CDH9: variants seen among roughly 807,000 people sequenced by gnomAD.
CDH9 encodes cadherin-9.
A neutral mutation model predicts 70.9 loss-of-function variants in CDH9; 28 were observed. The observed-to-expected ratio is 0.40, with a 90% CI of 0.29 to 0.54. The LOEUF is 0.54. Among genes scored for constraint, CDH9 ranks in the 20% least tolerant of loss-of-function variants. The pLI is 0.59. For missense variants in CDH9, 874 were observed against 984.4 expected, an observed-to-expected ratio of 0.89 and a Z score of 1.50; for synonymous variants, 409 against 343.1, an observed-to-expected ratio of 1.19 and a Z score of -2.12.
chr5:26,981,912 T>C (rs1742406237), intron 2 of CDH9, among the ~76,000 whole-genome samples: 2 of 152,072 alleles, frequency 1.3e-5, no homozygotes, highest in South Asian at 4.1e-4. Flanking sequence ...TCCTGGTTTT[T>C]AACAGGGAGC....
At chr5:26,882,532 G>A (rs1740484391) in intron 11 of CDH9, among the ~76,000 whole-genome samples, 1 of 151,792 alleles carries the variant, frequency 6.6e-6, no homozygotes, top group African/African-American at 2.4e-5. Context: ...ATAAATGCAT[G>A]TTGCAATTAA....
intron 1 of CDH9, among the ~76,000 whole-genome samples, chr5:27,008,470 A>G (rs1470830461): frequency 6.9e-6 from 1 of 145,598 alleles, no homozygotes; most frequent in African/African-American, 2.6e-5. Context: ...AGCCTGGGCA[A>G]CGGAGTGAGA....
chr5:26,984,399 A>G (rs183153028), intron 2 of CDH9, among the ~76,000 whole-genome samples: 1 of 152,252 alleles, frequency 6.6e-6, no homozygotes, highest in Admixed American at 6.5e-5. Flanking sequence ...ATTCCTTGTG[A>G]AAAATAAATA....
At chr5:26,991,687 G>A (rs935584921) in intron 1 of CDH9, among the ~76,000 whole-genome samples, 5 of 152,108 alleles carry the variant, frequency 3.3e-5, no homozygotes, top group African/African-American at 1.2e-4. Context: ...ATTTACAAGA[G>A]TAGATAATAT....
intron 2 of CDH9, among the ~76,000 whole-genome samples, chr5:26,976,331 C>T (rs1395152754): frequency 6.6e-6 from 1 of 152,120 alleles, no homozygotes; most frequent in Non-Finnish European, 1.5e-5. Flanking sequence ...CAGAAGTTGG[C>T]AGAATTTGAG....
At chr5:26,925,638 A>G (rs149101662) in intron 2 of CDH9, among the ~76,000 whole-genome samples, 14,681 of 151,978 alleles carry the variant, frequency 0.097, 890 homozygotes, top group East Asian at 0.19. Context: ...CCTATGTCCT[A>G]AATGGTATTG....
Position 26,948,081 on chromosome 5 carries a change from TA to T in CDH9, c.229-32158del, listed in dbSNP as rs551972218. On this transcript the variant is annotated intron_variant, in intron 2 of 11. Transcript: ENST00000231021. ...AAGTGCTTGGATATTCACAGACTTT[TA>T]GGCTATAGCCTTGCTCTGTGGTCAG... is the stretch of plus-strand genomic sequence containing the variant. Among the ~76,000 whole-genome samples the T allele has an allele frequency of 4.2e-3, 640 of 152,278 alleles. 9 individuals are homozygous for T. Among genetic ancestry groups the T allele is most frequent in the Non-Finnish European group, 3.4e-3 (234 of 68,024 alleles).
intron 2 of CDH9, among the ~76,000 whole-genome samples, chr5:26,960,988 G>C (rs1218501779): frequency 6.6e-6 from 1 of 152,004 alleles, no homozygotes; most frequent in Non-Finnish European, 1.5e-5. Flanking sequence ...GCTTTGGTAA[G>C]ATAACTTGAT....
At chr5:26,900,766 C>G (rs1740841525) in intron 7 of CDH9, among the ~76,000 whole-genome samples, 1 of 151,938 alleles carries the variant, frequency 6.6e-6, no homozygotes, top group Admixed American at 6.6e-5. Context: ...GCAACAGACA[C>G]TAAGGAGAAA....
At chr5:26,892,450 G>T (rs1301358369) in intron 7 of CDH9, among the ~76,000 whole-genome samples, 1 of 152,118 alleles carries the variant, frequency 6.6e-6, no homozygotes, top group African/African-American at 2.4e-5. Context: ...GCAGTTTTAG[G>T]CTATGGGATG....
intron 1 of CDH9, among the ~76,000 whole-genome samples, chr5:27,011,031 G>A (rs1016598869): frequency 2.6e-5 from 4 of 152,032 alleles, no homozygotes; most frequent in Admixed American, 6.6e-5. Flanking sequence ...CTTTCCACAG[G>A]TGAGACACAT....
chr5:26,974,389 G>A (rs1742270293), intron 2 of CDH9, among the ~76,000 whole-genome samples: 1 of 151,984 alleles, frequency 6.6e-6, no homozygotes, highest in South Asian at 2.1e-4. Context: ...CAGTTCTATA[G>A]GTTTGAAAGA....
In CDH9 at chr5:27,008,376, G is replaced by C. The variant is rs1742902916; in HGVS notation, c.-49-19994C>G. Among the ~76,000 whole-genome samples, 3 of 151,900 alleles carry C rather than the reference G, an allele frequency of 2.0e-5. No individual in the cohort carries two copies. The South Asian group carries it at 6.2e-4, about 32-fold the overall frequency. On this transcript the variant is annotated intron_variant, in intron 1 of 11. Coordinates refer to ENST00000231021, the MANE Select transcript of CDH9 (RefSeq NM_016279.4). ...GTGGTGGCGGGTGCCTGTAATACCA[G>C]CTACTTGAGAGGCTAAGTCATGATA...
At chr5:26,998,490 A>C (rs573848466) in intron 1 of CDH9, among the ~76,000 whole-genome samples, 1 of 152,250 alleles carries the variant, frequency 6.6e-6, no homozygotes, top group South Asian at 2.1e-4. Flanking sequence ...AAAAAAAAAC[A>C]AACACCACAT....
At chr5:26,976,604 A>C (rs1742306439) in intron 2 of CDH9, among the ~76,000 whole-genome samples, 4 of 151,990 alleles carry the variant, frequency 2.6e-5, no homozygotes, top group Admixed American at 2.6e-4. Flanking sequence ...CACCAGGCTA[A>C]TTTTGTGTAT....
chr5:27,034,470 GA>G (rs1241231910), intron 1 of CDH9, among the ~76,000 whole-genome samples: 5 of 151,554 alleles, frequency 3.3e-5, no homozygotes, highest in African/African-American at 2.4e-5. Flanking sequence ...TAATAGGATA[GA>G]AAAAAATCTC....
At chr5:26,918,403 G>T (rs1025393841) in intron 2 of CDH9, among the ~76,000 whole-genome samples, 3 of 152,102 alleles carry the variant, frequency 2.0e-5, no homozygotes, top group African/African-American at 7.2e-5. Flanking sequence ...TGATGTAATT[G>T]TTTACCATGC....
intron 1 of CDH9, among the ~76,000 whole-genome samples, chr5:27,026,959 G>A (rs1164137932): frequency 6.6e-6 from 1 of 151,858 alleles, no homozygotes; most frequent in Non-Finnish European, 1.5e-5. Context: ...GTCAAGAATG[G>A]CATTCACTTT....
At chr5:26,967,445 T>C (rs551089695) in intron 2 of CDH9, among the ~76,000 whole-genome samples, 189 of 152,276 alleles carry the variant, frequency 1.2e-3, no homozygotes, top group Admixed American at 2.1e-3. Context: ...ATTATATCAA[T>C]CCAAATTTAA....
Sources: allele counts gnomAD v4.1 joint callset (sites outside exome capture counted in the v4.1 genomes callset), GRCh38; gene constraint gnomAD v4.1.1; transcripts MANE v1.5; gene names NCBI Gene and HGNC (gene_info 2026-07-23, HGNC 2026-07-21).